Variants in SMYD3 observed in about 807,000 individuals in gnomAD.
SMYD3 encodes SET and MYND domain containing 3.
A neutral mutation model predicts 57.7 loss-of-function variants in SMYD3; 36 were observed. The observed-to-expected ratio is 0.62, with a 90% CI of 0.48 to 0.82. The LOEUF (loss-of-function observed/expected upper bound fraction) is 0.82, where lower values mean the gene tolerates loss of function less well. Among genes scored for constraint, SMYD3 ranks in the 40% least tolerant of loss-of-function variants. The pLI, the probability that SMYD3 is intolerant of heterozygous loss-of-function variation, is 0.00. For synonymous variants in SMYD3, 211 were observed against 195.0 expected (o/e 1.08, Z -0.68); for missense variants, 515 against 538.8 (o/e 0.96, Z 0.44).
intron 1 of SMYD3, among the ~76,000 whole-genome samples, chr1:246,503,869 G>A (rs896179782): frequency 6.6e-6 from 1 of 150,500 alleles, no homozygotes; most frequent in African/African-American, 2.4e-5. Flanking sequence ...CAGGAGAATC[G>A]CTTGCACCTG....
chr1:246,491,222 C>A (rs550705301), intron 1 of SMYD3, among the ~76,000 whole-genome samples: 1 of 152,216 alleles, frequency 6.6e-6, no homozygotes, highest in African/African-American at 2.4e-5. Flanking sequence ...TTAGAAAGGA[C>A]CACTAGTTAT....
rs80169795 is a variant in SMYD3, at chr1:245,982,555, C to T, written c.532-52618G>A. Among the ~76,000 whole-genome samples the T allele has an allele frequency of 3.0e-3, 455 of 152,310 alleles. 1 individual carries two copies. Among genetic ancestry groups the T allele is most frequent in the African/African-American group, 9.9e-3 (411 of 41,562 alleles). Reference sequence around the variant, plus strand: ...AGGCTCACTTATAGGCTAAATACTTCCATCAAATAAATCTTAAAGTAACAT... The same window carrying T: ...AGGCTCACTTATAGGCTAAATACTTTCATCAAATAAATCTTAAAGTAACAT... On this transcript the variant is annotated intron_variant, in intron 5 of 11. Transcript: ENST00000490107.
intron 10 of SMYD3, among the ~76,000 whole-genome samples, chr1:245,854,226 A>G (rs2051119305): frequency 6.6e-6 from 1 of 152,236 alleles, no homozygotes; most frequent in Non-Finnish European, 1.5e-5. Context: ...TTTCTTGAGG[A>G]AAGAGTGACA....
chr1:246,415,412 CT>C (rs1356318338), intron 1 of SMYD3, among the ~76,000 whole-genome samples: 1 of 152,118 alleles, frequency 6.6e-6, no homozygotes, highest in African/African-American at 2.4e-5. Context: ...TTTTTAAATG[CT>C]TTAACTACTC....
chr1:246,000,947 A>T (rs2059029921), intron 5 of SMYD3, among the ~76,000 whole-genome samples: 2 of 152,188 alleles, frequency 1.3e-5, no homozygotes. Flanking sequence ...TAACTTAGAG[A>T]CTGCTTTATT....
chr1:246,134,006 C>A (rs2061627522), intron 5 of SMYD3, among the ~76,000 whole-genome samples: 1 of 152,024 alleles, frequency 6.6e-6, no homozygotes. Flanking sequence ...GTATCTGGAC[C>A]AGAAGAACCT....
intron 5 of SMYD3, among the ~76,000 whole-genome samples, chr1:246,295,272 T>A (rs1227999302): frequency 1.3e-5 from 2 of 152,158 alleles, no homozygotes; most frequent in African/African-American, 2.4e-5. Context: ...CTCTTACAGA[T>A]CCCACTGCTG....
chr1:245,920,062 C>T (rs894071481), intron 7 of SMYD3, among the ~76,000 whole-genome samples: 4 of 151,604 alleles, frequency 2.6e-5, no homozygotes, highest in Non-Finnish European at 4.4e-5. Context: ...GCCTGTAATC[C>T]CAGCACTTTG....
At chr1:245,926,026 C>T (rs57151482) in intron 7 of SMYD3, among the ~76,000 whole-genome samples, 1,569 of 152,256 alleles carry the variant, frequency 0.01, 31 homozygotes, top group African/African-American at 0.034. Flanking sequence ...AAGCATGGCA[C>T]CGGCATCTGG....
chr1:245,865,457 A>G (rs2051783480), intron 8 of SMYD3, among the ~76,000 whole-genome samples: 1 of 152,204 alleles, frequency 6.6e-6, no homozygotes, highest in Non-Finnish European at 1.5e-5. Context: ...TATATCACTG[A>G]TCATACCCAG....
At chr1:246,083,035 C>T (rs1317083477) in intron 5 of SMYD3, among the ~76,000 whole-genome samples, 6 of 151,632 alleles carry the variant, frequency 4.0e-5, no homozygotes, top group African/African-American at 1.5e-4. Context: ...GGTTTCTCCC[C>T]ATGTGACAGT....
intron 5 of SMYD3, among the ~76,000 whole-genome samples, chr1:245,999,739 T>A (rs1242036309): frequency 1.3e-5 from 2 of 152,156 alleles, no homozygotes; most frequent in Non-Finnish European, 2.9e-5. Context: ...AGTCAAATAT[T>A]AATTGTTCCA....
chr1:246,249,239 G>C (rs918987900), intron 5 of SMYD3, among the ~76,000 whole-genome samples: 6 of 152,018 alleles, frequency 3.9e-5, no homozygotes, highest in Admixed American at 3.9e-4. Flanking sequence ...AAGTAGCTGG[G>C]AGTACAGGCG....
chr1:246,023,698 T>C (rs1445320810), intron 5 of SMYD3, among the ~76,000 whole-genome samples: 1 of 152,032 alleles, frequency 6.6e-6, no homozygotes, highest in African/African-American at 2.4e-5. Context: ...AGACGGCACG[T>C]TCAGGGGCTA....
At chr1:245,840,813 G>C (rs2050364182) in intron 10 of SMYD3, among the ~76,000 whole-genome samples, 1 of 151,474 alleles carries the variant, frequency 6.6e-6, no homozygotes, top group African/African-American at 2.4e-5. Context: ...GGGATCCCAG[G>C]GGGAGAAGAA....
intron 5 of SMYD3, among the ~76,000 whole-genome samples, chr1:246,129,812 G>A (rs1396442151): frequency 6.6e-6 from 1 of 151,890 alleles, no homozygotes; most frequent in Non-Finnish European, 1.5e-5. Context: ...ATGGATATAA[G>A]CCCATAGCAC....
intron 1 of SMYD3, among the ~76,000 whole-genome samples, chr1:246,485,495 G>T (rs1221579107): frequency 6.6e-6 from 1 of 152,166 alleles, no homozygotes; most frequent in African/African-American, 2.4e-5. Flanking sequence ...TAATAATAAA[G>T]ATCTAGCCAG....
intron 8 of SMYD3, among the ~76,000 whole-genome samples, chr1:245,889,322 A>G (rs1339188675): frequency 1.3e-5 from 2 of 152,234 alleles, no homozygotes; most frequent in African/African-American, 4.8e-5. Context: ...GTGAGATAAC[A>G]GAAGTGACTA....
At chr1:245,765,944 T>C (rs1304321799) in intron 10 of SMYD3, among the ~76,000 whole-genome samples, 3 of 152,116 alleles carry the variant, frequency 2.0e-5, no homozygotes, top group African/African-American at 2.4e-5. Context: ...TCTCTGAAAA[T>C]GCACACATAT....
Sources: gnomAD v4.1 joint callset for allele counts (sites outside exome capture counted in the v4.1 genomes callset) on GRCh38, gnomAD v4.1.1 for gene constraint, MANE v1.5 for transcripts, NCBI Gene and HGNC (gene_info 2026-07-23, HGNC 2026-07-21) for gene names.